Variants in THADA observed in about 807,000 individuals in gnomAD.
THADA encodes the protein tRNA (32-2'-O)-methyltransferase regulator THADA.
THADA carries 213 observed loss-of-function variants against 219.8 expected under a neutral mutation model. The ratio of observed to expected loss-of-function variants is 0.97; its 90% CI spans 0.87 to 1.09. The LOEUF (loss-of-function observed/expected upper bound fraction) is 1.09, where lower values mean the gene tolerates loss of function less well. Ranked by LOEUF, THADA falls within the 50% of genes least tolerant of loss-of-function variation. THADA has a pLI of 0.00. For missense variants in THADA, 2,956 were observed against 2,311.3 expected (o/e 1.28, Z -5.72); for synonymous variants, 1,018 against 828.9 (o/e 1.23, Z -3.92).
intron 31 of THADA, among the ~76,000 whole-genome samples, chr2:43,294,126 C>G (rs1466845162): frequency 1.3e-5 from 2 of 152,044 alleles, no homozygotes; most frequent in African/African-American, 4.8e-5. Context: ...CAAGTATATC[C>G]CTGTTAAATT....
At chr2:43,536,155 C>A (rs1298634682) in intron 21 of THADA, among the ~76,000 whole-genome samples, 1 of 152,136 alleles carries the variant, frequency 6.6e-6, no homozygotes, top group Non-Finnish European at 1.5e-5. Context: ...TAGTTTCATC[C>A]TTCTGCATAT....
intron 28 of THADA, among the ~76,000 whole-genome samples, chr2:43,400,417 C>T (rs1442317038): frequency 1.4e-5 from 2 of 142,674 alleles, no homozygotes; most frequent in Non-Finnish European, 3.1e-5. Flanking sequence ...AATATTCTAT[C>T]GCAAATTCTT....
intron 31 of THADA, among the ~76,000 whole-genome samples, chr2:43,296,671 C>T (rs1186122977): frequency 6.6e-6 from 1 of 152,182 alleles, no homozygotes; most frequent in Admixed American, 6.5e-5. Context: ...AACCGAATCT[C>T]ATAACAATCT....
At chr2:43,322,647 A>G (rs1485278454) in intron 30 of THADA, among the ~76,000 whole-genome samples, 1 of 140,126 alleles carries the variant, frequency 7.1e-6, no homozygotes. Flanking sequence ...ACTACTTTCT[A>G]GCATATCCTT....
chr2:43,315,001 G>A (rs1259837712), intron 31 of THADA, among the ~76,000 whole-genome samples: 1 of 152,140 alleles, frequency 6.6e-6, no homozygotes, highest in Middle Eastern at 3.2e-3. Flanking sequence ...CTCCTTCACT[G>A]TTTTTCTCCT....
chr2:43,430,353 A>G, intron 26 of THADA, 51 bp from the exon 27 acceptor site: 1 of 1,032,214 alleles, frequency 9.7e-7, no homozygotes, highest in Non-Finnish European at 1.4e-6. Context: ...CTTTGATCTG[A>G]CAATAAAGCC....
At chr2:43,299,705 T>A (rs1342350360) in intron 31 of THADA, among the ~76,000 whole-genome samples, 3 of 150,262 alleles carry the variant, frequency 2.0e-5, no homozygotes, top group Non-Finnish European at 3.0e-5. Context: ...CACAAAATGT[T>A]TAGTGTCCTA....
intron 14 of THADA, among the ~76,000 whole-genome samples, chr2:43,567,990 C>T: frequency 6.6e-6 from 1 of 152,042 alleles, no homozygotes; most frequent in Non-Finnish European, 1.5e-5. Context: ...TCTCCCTGTA[C>T]TTTCTTATCT....
chr2:43,592,875 T>C (rs888104739), intron 1 of THADA: 6 of 152,520 alleles, frequency 3.9e-5, no homozygotes, highest in African/African-American at 1.4e-4. Flanking sequence ...GAGGAGGTAC[T>C]ACCGTGTCCT....
intron 31 of THADA, among the ~76,000 whole-genome samples, chr2:43,316,826 C>T (rs905886503): frequency 6.6e-6 from 1 of 152,166 alleles, no homozygotes; most frequent in East Asian, 1.9e-4. Context: ...ACTCGGGAGG[C>T]TGAGGCAGAA....
At chr2:43,404,920 T>C (rs536048909) in intron 28 of THADA, among the ~76,000 whole-genome samples, 1 of 152,328 alleles carries the variant, frequency 6.6e-6, no homozygotes, top group South Asian at 2.1e-4. Flanking sequence ...ATAAAATGCC[T>C]AGAAGACAGG....
At chr2:43,322,747 G>A in intron 30 of THADA, among the ~76,000 whole-genome samples, 1 of 121,520 alleles carries the variant, frequency 8.2e-6, no homozygotes, top group East Asian at 2.6e-4. Context: ...GTGCAGTGGT[G>A]CGATCTTGGC....
chr2:43,491,038 T>G (rs1195537101), intron 25 of THADA, among the ~76,000 whole-genome samples: 1 of 152,044 alleles, frequency 6.6e-6, no homozygotes, highest in African/African-American at 2.4e-5. Flanking sequence ...GACAGAAGAG[T>G]GTCCCCTAGA....
At chr2:43,271,606 T>C (rs1672128401) in intron 36 of THADA, among the ~76,000 whole-genome samples, 2 of 146,780 alleles carry the variant, frequency 1.4e-5, no homozygotes, top group South Asian at 4.4e-4. Flanking sequence ...TCCTACACTC[T>C]TGGAACTTTT....
intron 29 of THADA, among the ~76,000 whole-genome samples, chr2:43,368,890 C>A (rs1341349633): frequency 6.6e-6 from 1 of 152,056 alleles, no homozygotes; most frequent in African/African-American, 2.4e-5. Flanking sequence ...TGACTTTTTT[C>A]TCTAGTTCAC....
intron 36 of THADA, among the ~76,000 whole-genome samples, chr2:43,234,222 C>T (rs973658870): frequency 2.6e-5 from 4 of 152,194 alleles, no homozygotes; most frequent in Non-Finnish European, 5.9e-5. Context: ...GCATGCAAAG[C>T]GCAGATTTGG....
chr2:43,245,864 G>A (rs1669088430), intron 36 of THADA, among the ~76,000 whole-genome samples: 1 of 152,082 alleles, frequency 6.6e-6, no homozygotes, highest in South Asian at 2.1e-4. Context: ...AACTCAAGAA[G>A]ATAATGTTTC....
At chr2:43,458,831 T>C (rs890267014) in intron 26 of THADA, among the ~76,000 whole-genome samples, 2 of 152,214 alleles carry the variant, frequency 1.3e-5, no homozygotes, top group Non-Finnish European at 1.5e-5. Context: ...TATGTGGTTA[T>C]GTATGTGAAA....
chr2:43,399,780 T>C (rs1412628024), intron 28 of THADA, among the ~76,000 whole-genome samples: 4 of 152,188 alleles, frequency 2.6e-5, no homozygotes, highest in Non-Finnish European at 4.4e-5. Flanking sequence ...AGTGATTAAA[T>C]GTTTAATCTG....
Sources: gnomAD v4.1 joint callset for allele counts (sites outside exome capture counted in the v4.1 genomes callset) on GRCh38, gnomAD v4.1.1 for gene constraint, MANE v1.5 for transcripts, NCBI Gene and HGNC (gene_info 2026-07-23, HGNC 2026-07-21) for gene names.